KCTD16: variants seen among roughly 807,000 people sequenced by gnomAD.
The protein encoded by KCTD16 is potassium channel tetramerization domain containing 16.
In KCTD16, 13 loss-of-function variants were observed where a neutral mutation model predicts 33.2. The ratio of observed to expected loss-of-function variants is 0.39; its 90% CI spans 0.25 to 0.62. KCTD16 has a LOEUF of 0.62. Ranked by LOEUF, KCTD16 falls within the 20% of genes least tolerant of loss-of-function variation. KCTD16 has a pLI of 0.50. For synonymous variants in KCTD16, 197 were observed against 195.3 expected (o/e 1.01, Z -0.07); for missense variants, 441 against 525.1 (o/e 0.84, Z 1.57).
intron 3 of KCTD16, among the ~76,000 whole-genome samples, chr5:144,244,828 G>T (rs796544671): frequency 6.6e-6 from 1 of 152,148 alleles, no homozygotes; most frequent in African/African-American, 2.4e-5. Flanking sequence ...TAAAAATGAA[G>T]CCAGTAACAA....
intron 3 of KCTD16, among the ~76,000 whole-genome samples, chr5:144,323,480 G>T (rs1580872462): frequency 6.6e-6 from 1 of 152,172 alleles, no homozygotes; most frequent in African/African-American, 2.4e-5. Flanking sequence ...AAGAAAGAAA[G>T]AATGGGTAGA....
chr5:144,367,182 C>T (rs945494303), intron 3 of KCTD16, among the ~76,000 whole-genome samples: 2 of 152,204 alleles, frequency 1.3e-5, no homozygotes, highest in East Asian at 3.9e-4. Flanking sequence ...AGATAGCCGA[C>T]TTAAATTCCC....
intron 2 of KCTD16, among the ~76,000 whole-genome samples, chr5:144,187,489 G>A (rs1304908650): frequency 6.6e-6 from 1 of 151,842 alleles, no homozygotes; most frequent in East Asian, 1.9e-4. Flanking sequence ...GAGAAAAAAT[G>A]TTGTTTATTC....
At chr5:144,377,407 G>A (rs115456933) in intron 3 of KCTD16, among the ~76,000 whole-genome samples, 2,774 of 152,206 alleles carry the variant, frequency 0.018, 60 homozygotes, top group African/African-American at 0.063. Context: ...CATGAAAGTT[G>A]GCTAGAGTAG....
intron 3 of KCTD16, among the ~76,000 whole-genome samples, chr5:144,452,653 T>G (rs1379912832): frequency 6.6e-6 from 1 of 152,112 alleles, no homozygotes; most frequent in African/African-American, 2.4e-5. Context: ...ATATCCATTT[T>G]GAGCATTTGA....
chr5:144,294,997 A>G (rs1009612548), intron 3 of KCTD16, among the ~76,000 whole-genome samples: 3 of 152,126 alleles, frequency 2.0e-5, no homozygotes, highest in African/African-American at 7.2e-5. Flanking sequence ...TCATCCACCA[A>G]TTGTTGAGCA....
intron 3 of KCTD16, among the ~76,000 whole-genome samples, chr5:144,355,532 T>C (rs1193885165): frequency 6.6e-6 from 1 of 152,174 alleles, no homozygotes; most frequent in Admixed American, 6.6e-5. Flanking sequence ...CTGCCTTGCA[T>C]AGAGTGTCTC....
intron 3 of KCTD16, among the ~76,000 whole-genome samples, chr5:144,381,237 A>G (rs1381633098): frequency 6.6e-6 from 1 of 152,204 alleles, no homozygotes; most frequent in African/African-American, 2.4e-5. Context: ...AATCAAAACC[A>G]CAATGAGATA....
At chr5:144,266,647 T>C (rs917766499) in intron 3 of KCTD16, among the ~76,000 whole-genome samples, 3 of 152,220 alleles carry the variant, frequency 2.0e-5, no homozygotes, top group Non-Finnish European at 4.4e-5. Context: ...TTCTTCCTTC[T>C]TGGAGATAAA....
intron 3 of KCTD16, among the ~76,000 whole-genome samples, chr5:144,269,663 C>A (rs537825878): frequency 1.5e-4 from 23 of 151,978 alleles, no homozygotes; most frequent in Non-Finnish European, 3.2e-4. Context: ...GAAACAAATA[C>A]CTCAATAAAG....
chr5:144,462,419 T>C (rs4458609), intron 3 of KCTD16, among the ~76,000 whole-genome samples: 4,110 of 152,096 alleles, frequency 0.027, 172 homozygotes, highest in African/African-American at 0.095. Context: ...TTTTACCGTC[T>C]CTTAGGAATT....
chr5:144,222,618 C>T (rs577944310), intron 3 of KCTD16, among the ~76,000 whole-genome samples: 7 of 152,178 alleles, frequency 4.6e-5, no homozygotes, highest in Middle Eastern at 3.4e-3. Context: ...GTTAGAATGG[C>T]GATCATTAAA....
chr5:144,237,956 A>T (rs1754298727), intron 3 of KCTD16, among the ~76,000 whole-genome samples: 1 of 152,194 alleles, frequency 6.6e-6, no homozygotes, highest in African/African-American at 2.4e-5. Flanking sequence ...CTCTTCTCAG[A>T]CACTGCACAA....
intron 3 of KCTD16, among the ~76,000 whole-genome samples, chr5:144,392,084 A>G (rs1379949176): frequency 2.0e-5 from 3 of 152,248 alleles, no homozygotes. Flanking sequence ...TAATAGTTAT[A>G]TTAAATGTAT....
chr5:144,318,096 T>C (rs1751971676), intron 3 of KCTD16, among the ~76,000 whole-genome samples: 1 of 152,236 alleles, frequency 6.6e-6, no homozygotes, highest in Non-Finnish European at 1.5e-5. Context: ...CTATGCAATG[T>C]TTCCTTTCAA....
At chr5:144,322,900 C>G (rs1752111266) in intron 3 of KCTD16, among the ~76,000 whole-genome samples, 1 of 152,066 alleles carries the variant, frequency 6.6e-6, no homozygotes, top group Admixed American at 6.6e-5. Flanking sequence ...AATTAGAAGA[C>G]TTTTCCTTCT....
chr5:144,391,807 C>A (rs1159266915), intron 3 of KCTD16, among the ~76,000 whole-genome samples: 1 of 152,154 alleles, frequency 6.6e-6, no homozygotes, highest in African/African-American at 2.4e-5. Context: ...TGTTTAAATA[C>A]CAGATCAGCT....
intron 2 of KCTD16, among the ~76,000 whole-genome samples, chr5:144,177,089 A>G (rs912666541): frequency 1.8e-4 from 27 of 152,298 alleles, no homozygotes; most frequent in Non-Finnish European, 3.4e-4. Context: ...GGGGACCTAC[A>G]TCAAAAACTC....
intron 3 of KCTD16, among the ~76,000 whole-genome samples, chr5:144,455,592 A>T (rs1754043952): frequency 6.6e-6 from 1 of 152,156 alleles, no homozygotes; most frequent in African/African-American, 2.4e-5. Flanking sequence ...GATTAGTTGA[A>T]CCAGTAGTGG....
Sources: gnomAD v4.1 joint callset for allele counts (sites outside exome capture counted in the v4.1 genomes callset) on GRCh38, gnomAD v4.1.1 for gene constraint, MANE v1.5 for transcripts, NCBI Gene and HGNC (gene_info 2026-07-23, HGNC 2026-07-21) for gene names.